Variants in ANKDD1A observed in about 807,000 individuals in gnomAD.
The protein encoded by ANKDD1A is ankyrin repeat and death domain-containing protein 1A.
In ANKDD1A, 59 loss-of-function variants were observed where a neutral mutation model predicts 63.5. That is an observed-to-expected ratio of 0.93 (90% CI 0.75 to 1.15). The LOEUF (loss-of-function observed/expected upper bound fraction) is 1.15, where lower values mean the gene tolerates loss of function less well. Ranked by LOEUF, ANKDD1A falls within the 50% of genes most tolerant of loss-of-function variation. The pLI, the probability that ANKDD1A is intolerant of heterozygous loss-of-function variation, is 0.00. For missense variants in ANKDD1A, 632 were observed against 656.4 expected (o/e 0.96, Z 0.41); for synonymous variants, 266 against 263.9 (o/e 1.01, Z -0.08).
intron 13 of ANKDD1A, 125 bp downstream of exon 13, chr15:64,947,718 G>A: frequency 8.6e-7 from 1 of 1,159,852 alleles, no homozygotes; most frequent in Non-Finnish European, 1.2e-6. Flanking sequence ...GTCCCACACT[G>A]TCCAACACAC....
chr15:64,945,892 A>G (rs1196516069), intron 12 of ANKDD1A, among the ~76,000 whole-genome samples: 1 of 151,752 alleles, frequency 6.6e-6, no homozygotes, highest in East Asian at 1.9e-4. Context: ...TCAGCCTCCC[A>G]AAGTGCTGGG....
At chr15:64,927,076 G>A (rs927549692) in intron 6 of ANKDD1A, 77 bp downstream of exon 6, 26 of 1,484,782 alleles carry the variant, frequency 1.8e-5, no homozygotes, top group Non-Finnish European at 2.3e-5. Flanking sequence ...CTCCTCACCT[G>A]TGTCCACGTC....
At chr15:64,931,237 G>A (rs144022527) in intron 7 of ANKDD1A, among the ~76,000 whole-genome samples, 1 of 152,160 alleles carries the variant, frequency 6.6e-6, no homozygotes, top group African/African-American at 2.4e-5. Context: ...AGCCTGACCG[G>A]GGCAGAACAT....
Position 64,911,947 on chromosome 15 carries a change from C to A in ANKDD1A, c.17C>A (p.Ala6Glu), listed in dbSNP as rs1306407172. The change falls in exon 1 of 15, where the codon GCG becomes GAG. Residue 6 changes from alanine (A) to glutamate (E), a missense_variant. Transcript: ENST00000319580. MQEEL[A>E]WETDGLLPLE... ...AGCGGCAGGATGCAGGAGGAGCTGG[C>A]GTGGGAGACCGACGGCCGTGAGTCT... 2.4e-6 allele frequency: 3 copies of A among 1,242,452 alleles called. No individual in the cohort carries two copies. The African/African-American group carries it at 4.7e-5, about 20-fold the overall frequency. The allele number at this position is 1,242,452 out of a possible 1,614,324, so 77.0% of individuals were successfully genotyped here.
chr15:64,940,405 T>A (rs1166808342), intron 9 of ANKDD1A, among the ~76,000 whole-genome samples: 1 of 115,234 alleles, frequency 8.7e-6, no homozygotes, highest in Non-Finnish European at 2.0e-5. Flanking sequence ...GATAGATAGA[T>A]AGATAGATAG....
chr15:64,944,522 C>A, intron 11 of ANKDD1A, 130 bp from the exon 12 acceptor site: 1 of 749,962 alleles, frequency 1.3e-6, no homozygotes, highest in Non-Finnish European at 2.1e-6. Context: ...AACCAGAAAA[C>A]CTTTCTGCTC....
chr15:64,913,239 A>T (rs911291510), intron 1 of ANKDD1A, among the ~76,000 whole-genome samples: 2 of 152,186 alleles, frequency 1.3e-5, no homozygotes, highest in African/African-American at 4.8e-5. Flanking sequence ...CCAGTTTTAC[A>T]ATGGAAGAAA....
intron 9 of ANKDD1A, among the ~76,000 whole-genome samples, chr15:64,935,833 G>C (rs1221314281): frequency 1.3e-5 from 2 of 152,026 alleles, no homozygotes; most frequent in Non-Finnish European, 2.9e-5. Flanking sequence ...AACAGAGTGA[G>C]ACTGTCTCAA....
At chr15:64,942,975 A>G (rs996488672) in intron 10 of ANKDD1A, among the ~76,000 whole-genome samples, 9 of 152,166 alleles carry the variant, frequency 5.9e-5, no homozygotes, top group Non-Finnish European at 1.0e-4. Flanking sequence ...CCCACCAACC[A>G]TATAATTCTC....
At chr15:64,952,220 TTCCTTC>T (rs1031143944) in intron 14 of ANKDD1A, among the ~76,000 whole-genome samples, 3 of 148,496 alleles carry the variant, frequency 2.0e-5, no homozygotes, top group Middle Eastern at 3.4e-3. Context: ...TTTCTTCTTC[TTCCTTC>T]TCCTCCTTTC....
At chr15:64,951,611 C>G (rs1244624535) in intron 14 of ANKDD1A, among the ~76,000 whole-genome samples, 1 of 39,966 alleles carries the variant, frequency 2.5e-5, no homozygotes, top group Non-Finnish European at 5.4e-5. Context: ...TCTTCTTGTT[C>G]CTTATTCTTC....
At chr15:64,947,662 A>T in intron 13 of ANKDD1A, 69 bp downstream of exon 13, 4 of 1,536,878 alleles carry the variant, frequency 2.6e-6, no homozygotes, top group African/African-American at 1.4e-5. Flanking sequence ...AAATGTGTTC[A>T]GTTTTCTGTG....
rs965171059 is a variant in ANKDD1A, at chr15:64,943,751, A to G, written c.1065+169A>G. The stretch of plus-strand genomic sequence containing the variant: ...CTCCAGGAAGCCTTCCTGACCTTCC[A>G]CCACCTTCCCCTCTCTCTACTAAGG... On this transcript the variant is annotated intron_variant, in intron 11 of 14. Coordinates refer to ENST00000319580, the MANE Select transcript of ANKDD1A (RefSeq NM_182703.6). The G allele has an allele frequency of 3.6e-5, 23 of 647,258 alleles. No individual in the cohort carries two copies. The East Asian group carries it at 6.3e-4, about 18-fold the overall frequency. The allele number at this position is 647,258 out of a possible 1,614,324, so 40.1% of individuals were successfully genotyped here. A position where few individuals can be genotyped will look rare whatever the true frequency, so the allele number is the denominator to read the frequency against.
chr15:64,949,754 C>T (rs1034472733), intron 13 of ANKDD1A, 87 bp from the exon 14 acceptor site: 30 of 1,541,642 alleles, frequency 1.9e-5, no homozygotes, highest in South Asian at 4.7e-5. Flanking sequence ...GTTCAGGAGG[C>T]GGTGCAGGGT....
chr15:64,921,858 GC>G, intron 3 of ANKDD1A, 62 bp from the exon 4 acceptor site: 2 of 1,438,584 alleles, frequency 1.4e-6, no homozygotes, highest in South Asian at 2.3e-5. Context: ...AAGGCACAGG[GC>G]CTGGCTGGCA....
chr15:64,942,693 C>A, intron 10 of ANKDD1A, 128 bp downstream of exon 10: 1 of 597,424 alleles, frequency 1.7e-6, no homozygotes, highest in Non-Finnish European at 2.7e-6. Flanking sequence ...TTTTTTTTAG[C>A]TTTTAGAAAG....
At chr15:64,946,009 T>C (rs1421234586) in intron 12 of ANKDD1A, among the ~76,000 whole-genome samples, 1 of 152,152 alleles carries the variant, frequency 6.6e-6, no homozygotes, top group African/African-American at 2.4e-5. Flanking sequence ...GTTACAAATT[T>C]AAAAACCTAG....
chr15:64,938,871 G>A (rs1306534627), intron 9 of ANKDD1A, among the ~76,000 whole-genome samples: 2 of 151,678 alleles, frequency 1.3e-5, no homozygotes, highest in Non-Finnish European at 2.9e-5. Context: ...CTTCAACTCA[G>A]GAGGCGGAGG....
chr15:64,918,890 G>A (rs1384406540), intron 3 of ANKDD1A, among the ~76,000 whole-genome samples: 1 of 151,892 alleles, frequency 6.6e-6, no homozygotes, highest in African/African-American at 2.4e-5. Context: ...GGAGACGGAG[G>A]TTGCCATGAG....
Sources: allele counts gnomAD v4.1 joint callset (sites outside exome capture counted in the v4.1 genomes callset), GRCh38; gene constraint gnomAD v4.1.1; transcripts MANE v1.5; gene names NCBI Gene and HGNC (gene_info 2026-07-23, HGNC 2026-07-21).